The following RIMS2 variants were observed in gnomAD, a reference collection of about 807,000 sequenced individuals.
The protein encoded by RIMS2 is regulating synaptic membrane exocytosis 2.
Under a neutral mutation model 174.4 loss-of-function variants are expected in RIMS2, and 59 were observed. The ratio of observed to expected loss-of-function variants is 0.34; its 90% CI spans 0.27 to 0.42. The LOEUF is 0.42. Ranked by LOEUF, RIMS2 falls within the 10% of genes least tolerant of loss-of-function variation. RIMS2 has a pLI of 1.00. For synonymous variants in RIMS2, 606 were observed against 572.5 expected, an observed-to-expected ratio of 1.06 and a Z score of -0.84; for missense variants, 1,620 against 1,666.3, an observed-to-expected ratio of 0.97 and a Z score of 0.48.
chr8:103,631,594 G>T (rs1564092150), intron 1 of RIMS2, among the ~76,000 whole-genome samples: 1 of 152,148 alleles, frequency 6.6e-6, no homozygotes, highest in Non-Finnish European at 1.5e-5. Context: ...CTTCACCTAG[G>T]ATTGCCTTGG....
At chr8:103,685,626 A>T (rs1321390786) in intron 1 of RIMS2, among the ~76,000 whole-genome samples, 1 of 152,222 alleles carries the variant, frequency 6.6e-6, no homozygotes, top group East Asian at 1.9e-4. Flanking sequence ...TTTGTAAAAA[A>T]TGTTAATGAT....
chr8:104,201,433 G>C (rs879457506), intron 19 of RIMS2, among the ~76,000 whole-genome samples: 3 of 152,042 alleles, frequency 2.0e-5, no homozygotes, highest in Non-Finnish European at 4.4e-5. Context: ...TGTCATTAAT[G>C]ATATCTAAGA....
At chr8:103,851,745 AT>A (rs2098999665) in intron 3 of RIMS2, among the ~76,000 whole-genome samples, 1 of 151,972 alleles carries the variant, frequency 6.6e-6, no homozygotes. Flanking sequence ...ACTGAAATAA[AT>A]TAAACCAAAC....
intron 3 of RIMS2, among the ~76,000 whole-genome samples, chr8:103,794,546 C>G (rs1474124378): frequency 6.6e-6 from 1 of 152,148 alleles, no homozygotes; most frequent in Non-Finnish European, 1.5e-5. Context: ...GACTAAAACA[C>G]CAATGGCAAT....
At chr8:103,699,617 T>C (rs2097146284) in intron 2 of RIMS2, among the ~76,000 whole-genome samples, 1 of 152,112 alleles carries the variant, frequency 6.6e-6, no homozygotes, top group South Asian at 2.1e-4. Context: ...TGTCTTTTCT[T>C]TTTCTGCTTA....
intron 1 of RIMS2, among the ~76,000 whole-genome samples, chr8:103,614,776 C>T (rs1407292805): frequency 6.6e-6 from 1 of 152,196 alleles, no homozygotes; most frequent in Non-Finnish European, 1.5e-5. Flanking sequence ...GAATATTATG[C>T]TTGTAACAGT....
chr8:103,620,750 T>G (rs2095615421), intron 1 of RIMS2, among the ~76,000 whole-genome samples: 1 of 152,178 alleles, frequency 6.6e-6, no homozygotes, highest in African/African-American at 2.4e-5. Flanking sequence ...ATAAAGGATA[T>G]TAAGTGGATT....
chr8:103,842,688 A>T (rs375307912), intron 3 of RIMS2, among the ~76,000 whole-genome samples: 16 of 152,022 alleles, frequency 1.1e-4, no homozygotes, highest in African/African-American at 3.6e-4. Context: ...ATTGTCATTG[A>T]TTTCTTTCAT....
chr8:103,959,155 C>T (rs2088841981), intron 14 of RIMS2, among the ~76,000 whole-genome samples: 1 of 152,014 alleles, frequency 6.6e-6, no homozygotes, highest in Non-Finnish European at 1.5e-5. Context: ...TTATCAGGAT[C>T]AGAGAAGCAT....
intron 19 of RIMS2, among the ~76,000 whole-genome samples, chr8:104,188,232 T>C (rs1374716630): frequency 7.4e-6 from 1 of 134,890 alleles, no homozygotes; most frequent in Non-Finnish European, 1.6e-5. Context: ...GATAGATAGA[T>C]AGATAGATAG....
At chr8:104,241,631 G>C (rs2099296793) in intron 19 of RIMS2, among the ~76,000 whole-genome samples, 1 of 152,128 alleles carries the variant, frequency 6.6e-6, no homozygotes, top group South Asian at 2.1e-4. Flanking sequence ...TGTCACTGAA[G>C]TTTTATGTCT....
chr8:103,918,429 TA>T lies in RIMS2; in HGVS notation c.2037-10del. The T allele has an allele frequency of 2.6e-6, 4 of 1,511,452 alleles. No homozygotes were observed. Among genetic ancestry groups the T allele is most frequent in the Non-Finnish European group, 3.6e-6 (4 of 1,122,356 alleles). 93.6% of individuals were successfully genotyped at this position (1,511,452 alleles called of 1,614,324 possible). ...CAGTTTCTGTCTTTCTTTTTTTTTTTAATCATTTCAGAGATATACCGCGAAT... is the reference window on the plus strand; with the variant it reads ...CAGTTTCTGTCTTTCTTTTTTTTTTTATCATTTCAGAGATATACCGCGAAT... On this transcript the variant is annotated splice_polypyrimidine_tract_variant and intron_variant, in intron 8 of 23. Transcript: ENST00000504942.
At chr8:103,784,775 C>T (rs1298340770) in intron 3 of RIMS2, among the ~76,000 whole-genome samples, 6 of 86,410 alleles carry the variant, frequency 6.9e-5, no homozygotes, top group Non-Finnish European at 1.1e-4. Flanking sequence ...TCCATATGAA[C>T]TTTAAAGTAG....
At chr8:104,154,681 G>A (rs1025542136) in intron 19 of RIMS2, among the ~76,000 whole-genome samples, 10 of 152,202 alleles carry the variant, frequency 6.6e-5, no homozygotes, top group African/African-American at 2.4e-4. Context: ...CTTAAGTGGA[G>A]ATCATTGGTT....
chr8:104,100,095 A>C lies in RIMS2; in HGVS notation c.3334+85480A>C, dbSNP rs2097844854. 1.3e-5 allele frequency among the ~76,000 whole-genome samples: 2 copies of C among 152,194 alleles called. 1 individual carries two copies. The highest frequency in any genetic ancestry group is 2.9e-5 in the Non-Finnish European group (2 of 68,038). On this transcript the variant is annotated intron_variant, in intron 19 of 23. Coordinates refer to ENST00000504942, the Ensembl canonical transcript of RIMS2. ...CTCAGCCTCCCAAAGGGCTGGGATTATGGGTGTAAGCCACCATACCCAGCT... is the reference window on the plus strand; with the variant it reads ...CTCAGCCTCCCAAAGGGCTGGGATTCTGGGTGTAAGCCACCATACCCAGCT...
At chr8:104,016,951 A>G (rs1206847007) in intron 19 of RIMS2, among the ~76,000 whole-genome samples, 1 of 151,968 alleles carries the variant, frequency 6.6e-6, no homozygotes, top group African/African-American at 2.4e-5. Flanking sequence ...TAAAGTCCCC[A>G]ATTGTGATTT....
In RIMS2 at chr8:104,035,849, T is replaced by C. The variant is rs558378669; in HGVS notation, c.3334+21234T>C. Among the ~76,000 whole-genome samples the C allele has an allele frequency of 3.7e-4, 56 of 152,224 alleles. 2 individuals are homozygous for C. In the Middle Eastern group the frequency reaches 0.014, roughly 37 times the overall value. On this transcript the variant is annotated intron_variant, in intron 19 of 23. Transcript: ENST00000504942. Reference sequence around the variant, plus strand: ...ATTGTTGTAAAATAAACATATTTTATTCTTAATTGAAAAAATTTATGTAAG... The same window carrying C: ...ATTGTTGTAAAATAAACATATTTTACTCTTAATTGAAAAAATTTATGTAAG...
rs1458558327 is a variant in RIMS2 at position 103,915,730 on chromosome 8, G to A, written c.1912+136G>A. ...TAGATATAAATCTCTATTCATTAATGGAAAGGCAAAACTATTATTTCTTGA... is the reference window on the plus strand; with the variant it reads ...TAGATATAAATCTCTATTCATTAATAGAAAGGCAAAACTATTATTTCTTGA... On this transcript the variant is annotated intron_variant, in intron 7 of 23. Transcript: ENST00000504942. 6.8e-6 allele frequency: 3 copies of A among 439,640 alleles called. No homozygotes were observed. In the East Asian group the frequency reaches 1.0e-4, roughly 15 times the overall value. The allele number at this position is 439,640 out of a possible 1,614,324, so 27.2% of individuals were successfully genotyped here.
At chr8:103,909,155 T>C (rs1224972713) in intron 4 of RIMS2, among the ~76,000 whole-genome samples, 2 of 152,128 alleles carry the variant, frequency 1.3e-5, no homozygotes, top group Non-Finnish European at 2.9e-5. Flanking sequence ...TGTTTCTCTA[T>C]CCCTACTCTG....
Sources: gnomAD v4.1 joint callset for allele counts (sites outside exome capture counted in the v4.1 genomes callset) on GRCh38, gnomAD v4.1.1 for gene constraint, MANE v1.5 for transcripts, NCBI Gene and HGNC (gene_info 2026-07-23, HGNC 2026-07-21) for gene names.